FRMD1: variants seen among roughly 807,000 people sequenced by gnomAD.
FRMD1 encodes the protein FERM domain-containing protein 1.
FRMD1 carries 51 observed loss-of-function variants against 54.9 expected under a neutral mutation model. That is an observed-to-expected ratio of 0.93 (90% confidence interval 0.74 to 1.17). The LOEUF (loss-of-function observed/expected upper bound fraction) is 1.17. FRMD1 is among the 50% of genes most tolerant of loss of function. The pLI is 0.00. For missense variants in FRMD1, 729 were observed against 743.0 expected (o/e 0.98, Z 0.22); for synonymous variants, 324 against 306.4 (o/e 1.06, Z -0.60).
intron 1 of FRMD1, among the ~76,000 whole-genome samples, chr6:168,076,103 G>A (rs937659465): frequency 6.6e-6 from 1 of 152,172 alleles, no homozygotes; most frequent in Admixed American, 6.5e-5. Context: ...CCTGGTCACC[G>A]GGCAGCAGAG....
Position 168,062,847 on chromosome 6 carries a change from T to G in FRMD1, c.870+47A>C, listed in dbSNP as rs1467182401. 3.1e-6 allele frequency: 5 copies of G among 1,600,760 alleles called. No homozygotes were observed. In the African/African-American group the frequency reaches 4.0e-5, roughly 13 times the overall value. The stretch of plus-strand genomic sequence containing the variant: ...CTCCAGTGGGGAAGGGAGGAGGGGG[T>G]GGGGGCAGGACGAGGGGCTCTGTGA... On this transcript the variant is annotated intron_variant, in intron 7 of 10. Transcript: ENST00000283309.
chr6:168,065,564 C>G (rs56352801), intron 4 of FRMD1: 77,947 of 986,812 alleles, frequency 0.079, 3,018 homozygotes, highest in African/African-American at 0.11. Flanking sequence ...ATAATTCCCC[C>G]GAACTGGCCC....
chr6:168,061,063 G>A lies in FRMD1; in HGVS notation c.1046-6C>T. On this transcript the variant is annotated splice_polypyrimidine_tract_variant and splice_region_variant and intron_variant, in intron 8 of 10. Coordinates refer to ENST00000283309, the MANE Select transcript of FRMD1 (RefSeq NM_024919.6). ...CTCCCGGTAGTGCTGCTTCTCTGTG[G>A]GGAGTGGGGAGCACAGTGAGGGCGA... 1.2e-6 allele frequency: 2 copies of A among 1,603,794 alleles called. No individual in the cohort carries two copies. Among genetic ancestry groups the A allele is most frequent in the South Asian group, 1.1e-5 (1 of 90,782 alleles).
intron 1 of FRMD1, 24 bp from the exon 2 acceptor site, chr6:168,075,359 T>A (rs1367374619): frequency 1.2e-6 from 2 of 1,600,084 alleles, no homozygotes; most frequent in Non-Finnish European, 1.7e-6. Context: ...GGGGAGGGGT[T>A]CAGGGAGGGG....
chr6:168,059,504 C>A lies in FRMD1; in HGVS notation c.1343-316G>T, dbSNP rs73028311. On this transcript the variant is annotated intron_variant, in intron 9 of 10. Coordinates refer to ENST00000283309, the MANE Select transcript of FRMD1 (RefSeq NM_024919.6). This position sits in a 1 kb window ranked among gnomAD's most constrained non-coding sequence, Gnocchi z 4.4. ...GGACCAGACACTCCAAGGGCAATGG[C>A]GGACACAGTGGCTTAGTGACAGGAA... 6.6e-6 allele frequency among the ~76,000 whole-genome samples: 1 copy of A among 152,154 alleles called. No homozygotes were observed. The highest frequency in any genetic ancestry group is 2.1e-4 in the South Asian group (1 of 4,832).
chr6:168,062,762 C>T (rs778755842), intron 7 of FRMD1, 132 bp downstream of exon 7: 22 of 1,580,996 alleles, frequency 1.4e-5, no homozygotes, highest in African/African-American at 6.7e-5. Context: ...AGAGGCAGGG[C>T]GCGTCCAGGC....
chr6:168,058,041 G>A (rs766013427), intron 10 of FRMD1, among the ~76,000 whole-genome samples: 2 of 152,232 alleles, frequency 1.3e-5, no homozygotes, highest in African/African-American at 2.4e-5. Flanking sequence ...TCGGGCAGCC[G>A]TCTCCTCCAC....
At chr6:168,072,699 G>A (rs1016520086) in intron 2 of FRMD1, among the ~76,000 whole-genome samples, 7 of 130,502 alleles carry the variant, frequency 5.4e-5, no homozygotes, top group African/African-American at 1.1e-4. Flanking sequence ...TCCCCACCCC[G>A]CCCTCGATTT....
chr6:168,088,796 G>T (rs1800964935), intron 1 of FRMD1, among the ~76,000 whole-genome samples: 1 of 151,768 alleles, frequency 6.6e-6, no homozygotes, highest in Admixed American at 6.6e-5. Flanking sequence ...GCCTTCCACT[G>T]CAAGGCAAAT....
In FRMD1 at chr6:168,056,896, A is replaced by C. The variant is rs917359527; in HGVS notation, c.*201T>G. The C allele has an allele frequency of 2.0e-6, 1 of 506,512 alleles. No homozygotes were observed. The highest frequency in any genetic ancestry group is 5.5e-5 in the South Asian group (1 of 18,248). The allele number at this position is 506,512 out of a possible 1,614,324, so 31.4% of individuals were successfully genotyped here. On this transcript the variant is annotated 3_prime_UTR_variant, in exon 11 of 11. Transcript: ENST00000283309. ...GCTCCCGGGTGTATGGCAGACAGGC[A>C]TGAGGTGCGGGACCTGTTTGTTACC...
chr6:168,073,307 C>G (rs1800400976), intron 2 of FRMD1, among the ~76,000 whole-genome samples: 1 of 152,172 alleles, frequency 6.6e-6, no homozygotes, highest in African/African-American at 2.4e-5. Context: ...TGCTCCCCAC[C>G]CTGCCTGGAG....
rs1174210990 is a variant in FRMD1, at chr6:168,057,285, C to T, written c.1462G>A (p.Asp488Asn). The T allele has an allele frequency of 1.2e-6, 2 of 1,612,578 alleles. No homozygotes were observed. Among genetic ancestry groups the T allele is most frequent in the Non-Finnish European group, 1.7e-6 (2 of 1,179,750 alleles). Residue 488 changes from aspartate to asparagine, a missense_variant, in exon 11 of 11, where the codon GAC (aspartate) becomes AAC (asparagine). Transcript: ENST00000283309. ...AGGGCCAGCTGGTGCAGCTGCATGT[C>T]GTCCAGGCCATGGCTGTGCTGCTCC... is the stretch of plus-strand genomic sequence containing the variant. Reference protein sequence around the residue: ...SEEQHSHGLDDMQLHQLALHP... With the variant: ...SEEQHSHGLDNMQLHQLALHP...
chr6:168,062,133 G>A (rs1486982420), intron 7 of FRMD1, 152 bp from the exon 8 acceptor site: 12 of 808,946 alleles, frequency 1.5e-5, no homozygotes, highest in Middle Eastern at 3.7e-4. Flanking sequence ...GACACTGTGC[G>A]CGGACACTGT....
rs1562431301 is a variant in FRMD1 at position 168,079,058 on chromosome 6, CG to C, written c.36del (p.Ala13ProfsTer60). The C allele has an allele frequency of 6.2e-7, 1 of 1,609,750 alleles. No individual in the cohort carries two copies. The highest frequency in any genetic ancestry group is 1.1e-5 in the South Asian group (1 of 91,038). On this transcript the variant is annotated frameshift_variant, in exon 1 of 11. Transcript: ENST00000283309. LOFTEE classifies it high-confidence loss of function. ...GGGAACGTGTCAGGGTTTGTCCGGG[CG>C]GGGTCTATGCCCCTCCCTCTCGGGG... ...AVPPRGRGIDPARTNPDTFPP... is the reference protein window; with the variant it reads ...AVPPRGRGIDXARTNPDTFPP...
At chr6:168,082,032 G>A (rs536661016), upstream of FRMD1, among the ~76,000 whole-genome samples, 8 of 152,340 alleles carry the variant, frequency 5.3e-5, no homozygotes, top group East Asian at 1.5e-3. Context: ...CCACCATGTG[G>A]GCGTGAGTGT....
chr6:168,069,488 C>T (rs1002160123), intron 2 of FRMD1, among the ~76,000 whole-genome samples: 2 of 152,176 alleles, frequency 1.3e-5, no homozygotes, highest in Non-Finnish European at 2.9e-5. Context: ...TTTGGGTACT[C>T]GAGCTTGAAC....
Position 168,056,909 on chromosome 6 carries a change from C to A in FRMD1, c.*188G>T. ...TGGCAGACAGGCATGAGGTGCGGGACCTGTTTGTTACCTCCCAGGTTGATG... is the reference window on the plus strand; with the variant it reads ...TGGCAGACAGGCATGAGGTGCGGGAACTGTTTGTTACCTCCCAGGTTGATG... On this transcript the variant is annotated 3_prime_UTR_variant, in exon 11 of 11. Coordinates refer to ENST00000283309, the MANE Select transcript of FRMD1 (RefSeq NM_024919.6). 1.7e-6 allele frequency: 1 copy of A among 594,028 alleles called. No homozygotes were observed. The highest frequency in any genetic ancestry group is 3.4e-5 in the East Asian group (1 of 29,328). The allele number at this position is 594,028 out of a possible 1,614,324, so 36.8% of individuals were successfully genotyped here.
At chr6:168,064,357 C>G (rs562752679) in intron 5 of FRMD1, among the ~76,000 whole-genome samples, 2 of 152,228 alleles carry the variant, frequency 1.3e-5, no homozygotes, top group Non-Finnish European at 2.9e-5. Context: ...TCAATCCGCG[C>G]GGCCATCAGG....
intron 10 of FRMD1, chr6:168,057,814 G>T (rs1377806566): frequency 5.7e-6 from 1 of 176,540 alleles, no homozygotes; most frequent in East Asian, 1.8e-4. Context: ...CCTCCAGCCC[G>T]AGCTTCTCGG....
Sources: gnomAD v4.1 joint callset for allele counts (sites outside exome capture counted in the v4.1 genomes callset) on GRCh38, gnomAD v4.1.1 for gene constraint, Gnocchi (gnomAD v3.1) non-coding constraint, MANE v1.5 for transcripts, NCBI Gene and HGNC (gene_info 2026-07-23, HGNC 2026-07-21) for gene names.